Variants in SPATA17 observed in about 807,000 individuals in gnomAD.
SPATA17 encodes spermatogenesis-associated protein 17.
A neutral mutation model predicts 62.2 loss-of-function variants in SPATA17; 53 were observed. The ratio of observed to expected loss-of-function variants is 0.85; its 90% confidence interval spans 0.68 to 1.07. SPATA17 has a LOEUF of 1.07. Among genes scored for constraint, SPATA17 ranks in the 50% least tolerant of loss-of-function variants. The probability of loss-of-function intolerance (pLI) is 0.00; values close to 1 mark genes in which losing one functional copy is unlikely to be tolerated. For synonymous variants in SPATA17, 146 were observed against 146.8 expected, an observed-to-expected ratio of 0.99 and a Z score of 0.04; for missense variants, 466 against 425.5, an observed-to-expected ratio of 1.10 and a Z score of -0.84.
intron 5 of SPATA17, among the ~76,000 whole-genome samples, chr1:217,706,774 G>T (rs1671746308): frequency 6.6e-6 from 1 of 152,090 alleles, no homozygotes; most frequent in Non-Finnish European, 1.5e-5. Flanking sequence ...ATTTCTTTGA[G>T]CAGTCTTTTG....
chr1:217,775,187 T>C (rs929304013), intron 7 of SPATA17, among the ~76,000 whole-genome samples: 4 of 152,236 alleles, frequency 2.6e-5, no homozygotes, highest in Non-Finnish European at 4.4e-5. Context: ...TTGTTAGCGA[T>C]GTTGAGAATC....
intron 3 of SPATA17, among the ~76,000 whole-genome samples, chr1:217,656,540 T>A (rs909826940): frequency 3.5e-5 from 5 of 141,134 alleles, no homozygotes; most frequent in African/African-American, 1.3e-4. Context: ...TGGGAATAGG[T>A]CTGATATATG....
At chr1:217,862,882 T>C (rs1265402108) in intron 10 of SPATA17, 26 bp downstream of exon 10, 2 of 1,468,430 alleles carry the variant, frequency 1.4e-6, no homozygotes, top group African/African-American at 1.4e-5. Context: ...AAGAAGTAAT[T>C]CAAAAAGTAT....
chr1:217,660,042 C>G (rs1458747711), intron 3 of SPATA17, among the ~76,000 whole-genome samples: 1 of 152,184 alleles, frequency 6.6e-6, no homozygotes, highest in Admixed American at 6.5e-5. Context: ...TCGTATTCAA[C>G]CACTTGCCAT....
chr1:217,856,822 A>G (rs1211504387), intron 9 of SPATA17, among the ~76,000 whole-genome samples: 1 of 152,208 alleles, frequency 6.6e-6, no homozygotes, highest in Non-Finnish European at 1.5e-5. Flanking sequence ...ACAGTTTTCT[A>G]CATGCAATGA....
intron 9 of SPATA17, among the ~76,000 whole-genome samples, chr1:217,861,431 C>T (rs2103016314): frequency 6.7e-6 from 1 of 149,716 alleles, no homozygotes; most frequent in East Asian, 1.9e-4. Context: ...ATTCACAGTT[C>T]TGAGTTTCAG....
At chr1:217,709,974 T>G (rs1188915908) in intron 5 of SPATA17, among the ~76,000 whole-genome samples, 3 of 152,198 alleles carry the variant, frequency 2.0e-5, no homozygotes, top group Non-Finnish European at 2.9e-5. Context: ...TCCTCTATCT[T>G]TGGGGGTTAA....
At chr1:217,773,542 A>G (rs1673508021) in intron 6 of SPATA17, among the ~76,000 whole-genome samples, 1 of 152,118 alleles carries the variant, frequency 6.6e-6, no homozygotes, top group African/African-American at 2.4e-5. Context: ...ACAACATTAA[A>G]TTTTCAAAAA....
chr1:217,655,002 A>G (rs560853815), intron 3 of SPATA17, among the ~76,000 whole-genome samples: 90 of 152,264 alleles, frequency 5.9e-4, no homozygotes, highest in South Asian at 2.7e-3. Flanking sequence ...GAGCCACCGC[A>G]CCCAGCCCTA....
chr1:217,795,250 G>A (rs1674103396), intron 8 of SPATA17, among the ~76,000 whole-genome samples: 2 of 151,388 alleles, frequency 1.3e-5, no homozygotes, highest in African/African-American at 4.9e-5. Context: ...ATATAATACA[G>A]TATATAGCAT....
chr1:217,757,464 G>A (rs1673075192), intron 6 of SPATA17, among the ~76,000 whole-genome samples: 1 of 152,154 alleles, frequency 6.6e-6, no homozygotes, highest in African/African-American at 2.4e-5. Flanking sequence ...CCATAAATAG[G>A]CTGGCTTTCA....
chr1:217,698,887 C>T (rs1671527027), intron 5 of SPATA17, among the ~76,000 whole-genome samples: 1 of 152,192 alleles, frequency 6.6e-6, no homozygotes, highest in Admixed American at 6.5e-5. Context: ...CTCACACCAT[C>T]CCTAACTTCT....
Position 217,862,757 on chromosome 1 carries a change from G to T in SPATA17, c.1006-17G>T. On this transcript the variant is annotated splice_polypyrimidine_tract_variant and intron_variant, in intron 9 of 10. Transcript: ENST00000366933. ...CATGAAGATCTCTGTGGTAATCTTT[G>T]AACTTTTTCCTCCTAGGATTTCCAG... The T allele has an allele frequency of 6.4e-7, 1 of 1,564,000 alleles. No individual in the cohort carries two copies. The highest frequency in any genetic ancestry group is 1.2e-5 in the South Asian group (1 of 86,926).
chr1:217,856,778 C>A (rs1331088745), intron 9 of SPATA17, among the ~76,000 whole-genome samples: 1 of 152,182 alleles, frequency 6.6e-6, no homozygotes. Flanking sequence ...CCTGTATATT[C>A]TTTTGTCAGA....
intron 9 of SPATA17, among the ~76,000 whole-genome samples, chr1:217,829,547 G>A (rs565720258): frequency 1.3e-3 from 175 of 132,366 alleles, no homozygotes; most frequent in African/African-American, 4.8e-3. Context: ...AAAATCACTT[G>A]AACCCAGCAG....
chr1:217,868,441 C>T lies in SPATA17; in HGVS notation c.*1422C>T, dbSNP rs937617646. The T allele has an allele frequency of 2.0e-5, 3 of 152,032 alleles. No homozygotes were observed. Among genetic ancestry groups the T allele is most frequent in the Non-Finnish European group, 4.4e-5 (3 of 68,018 alleles). The allele number at this position is 152,032 out of a possible 1,614,324, so 9.4% of individuals were successfully genotyped here. A position where few individuals can be genotyped will look rare whatever the true frequency, so the allele number is the denominator to read the frequency against. On this transcript the variant is annotated 3_prime_UTR_variant, in exon 11 of 11. Transcript: ENST00000366933. ...AATGCATTTAATACAGCTAACTTAC[C>T]AGACAGCTTAGCTTAGCCTCACCTA...
At chr1:217,793,333 G>A (rs61825820) in intron 8 of SPATA17, among the ~76,000 whole-genome samples, 4,775 of 142,898 alleles carry the variant, frequency 0.033, 107 homozygotes, top group Middle Eastern at 0.07. Context: ...CCATTCTCCC[G>A]CCTCAGCCTC....
chr1:217,808,063 A>G (rs2102990592), intron 9 of SPATA17, among the ~76,000 whole-genome samples: 1 of 152,314 alleles, frequency 6.6e-6, no homozygotes, highest in South Asian at 2.1e-4. Flanking sequence ...TTTAATAAAG[A>G]GCCATACGTT....
At chr1:217,702,044 A>G (rs1571742493) in intron 5 of SPATA17, among the ~76,000 whole-genome samples, 1 of 151,472 alleles carries the variant, frequency 6.6e-6, no homozygotes, top group Non-Finnish European at 1.5e-5. Context: ...ATATATATAT[A>G]TATATATGCA....
Sources: allele counts gnomAD v4.1 joint callset (sites outside exome capture counted in the v4.1 genomes callset), GRCh38; gene constraint gnomAD v4.1.1; transcripts MANE v1.5; gene names NCBI Gene and HGNC (gene_info 2026-07-23, HGNC 2026-07-21).